Variants in EYS observed in about 807,000 individuals in gnomAD.
EYS encodes the protein protein eyes shut homolog.
Under a neutral mutation model 282.1 loss-of-function variants are expected in EYS, and 250 were observed. That is an observed-to-expected ratio of 0.89 (90% CI 0.80 to 0.98). EYS has a LOEUF of 0.98. Among genes scored for constraint, EYS ranks in the 50% least tolerant of loss-of-function variants. The pLI is 0.00. For synonymous variants in EYS, 1,355 were observed against 1,282.9 expected (o/e 1.06, Z -1.20); for missense variants, 4,016 against 3,709.0 (o/e 1.08, Z -2.15).
intron 12 of EYS, among the ~76,000 whole-genome samples, chr6:65,270,030 C>T (rs1334416945): frequency 6.6e-6 from 1 of 152,126 alleles, no homozygotes; most frequent in Non-Finnish European, 1.5e-5. Flanking sequence ...GTTTAAAATG[C>T]AAAGTCTTAC....
intron 22 of EYS, among the ~76,000 whole-genome samples, chr6:64,676,340 A>G (rs183736950): frequency 1.4e-5 from 2 of 144,958 alleles, no homozygotes; most frequent in African/African-American, 2.5e-5. Flanking sequence ...CTATATATCT[A>G]TATATATATA....
At chr6:63,746,716 A>G (rs1054214223) in intron 41 of EYS, among the ~76,000 whole-genome samples, 1 of 152,094 alleles carries the variant, frequency 6.6e-6, no homozygotes, top group Admixed American at 6.6e-5. Context: ...ATTTGCATAG[A>G]GGTGCTTATA....
chr6:64,699,862 T>C (rs1770719937), intron 22 of EYS, among the ~76,000 whole-genome samples: 1 of 152,018 alleles, frequency 6.6e-6, no homozygotes, highest in African/African-American at 2.4e-5. Context: ...AGTATTTTGA[T>C]GTCAAGGCCG....
Position 63,946,031 on chromosome 6 carries a change from CG to C in EYS, c.7055+38351del, listed in dbSNP as rs200938925. Among the ~76,000 whole-genome samples the C allele has an allele frequency of 9.4e-3, 1,433 of 152,262 alleles. 9 individuals carry two copies. Among genetic ancestry groups the C allele is most frequent in the South Asian group, 0.017 (82 of 4,826 alleles). Reference sequence around the variant, plus strand: ...TCTCTTCATGATTACTGCCACTAAACGCTATAAATGTAGAATTCCACAGTTA... The same window carrying C: ...TCTCTTCATGATTACTGCCACTAAACCTATAAATGTAGAATTCCACAGTTA... On this transcript the variant is annotated intron_variant, in intron 35 of 42. Transcript: ENST00000503581.
intron 31 of EYS, among the ~76,000 whole-genome samples, chr6:64,155,748 T>A (rs1774894675): frequency 6.6e-6 from 1 of 152,188 alleles, no homozygotes; most frequent in African/African-American, 2.4e-5. Flanking sequence ...AATGTGTATA[T>A]TTTATTCATC....
At chr6:64,556,798 A>G (rs548438181) in intron 26 of EYS, among the ~76,000 whole-genome samples, 4 of 152,050 alleles carry the variant, frequency 2.6e-5, no homozygotes, top group Admixed American at 6.5e-5. Context: ...TTGGAGACAT[A>G]GATCTTCATA....
intron 2 of EYS, among the ~76,000 whole-genome samples, chr6:65,610,694 A>C (rs531847288): frequency 6.6e-6 from 1 of 152,210 alleles, no homozygotes; most frequent in African/African-American, 2.4e-5. Context: ...TAGTTTTATT[A>C]ACGGATTAAT....
chr6:64,439,998 T>G (rs1774883611), intron 26 of EYS, among the ~76,000 whole-genome samples: 1 of 151,724 alleles, frequency 6.6e-6, no homozygotes, highest in South Asian at 2.1e-4. Flanking sequence ...AAATCATTTT[T>G]TTTTGCTTGA....
intron 9 of EYS, among the ~76,000 whole-genome samples, chr6:65,347,892 A>G (rs1770460868): frequency 6.6e-6 from 1 of 150,944 alleles, no homozygotes; most frequent in African/African-American, 2.4e-5. Context: ...ATCCTTCCAA[A>G]CCTCTGGTAA....
chr6:64,693,399 T>C (rs1770468578), intron 22 of EYS, among the ~76,000 whole-genome samples: 1 of 152,098 alleles, frequency 6.6e-6, no homozygotes, highest in Non-Finnish European at 1.5e-5. Context: ...TGATTTATTA[T>C]AAAGTACTGT....
intron 5 of EYS, among the ~76,000 whole-genome samples, chr6:65,453,828 G>T (rs1016214006): frequency 2.0e-5 from 3 of 151,884 alleles, no homozygotes; most frequent in Non-Finnish European, 1.5e-5. Flanking sequence ...TGTCCTGCAG[G>T]TTCATTCATG....
intron 1 of EYS, among the ~76,000 whole-genome samples, chr6:65,667,422 C>G (rs1201786507): frequency 1.3e-5 from 2 of 151,852 alleles, no homozygotes; most frequent in Non-Finnish European, 3.0e-5. Context: ...CATTTATGTT[C>G]ATTTCCAGCA....
intron 33 of EYS, among the ~76,000 whole-genome samples, chr6:64,057,076 A>G (rs1295095505): frequency 6.6e-6 from 1 of 152,220 alleles, no homozygotes; most frequent in Non-Finnish European, 1.5e-5. Context: ...GCATTAGAAT[A>G]AATTATCTGA....
At chr6:64,658,252 C>T (rs1033117099) in intron 22 of EYS, among the ~76,000 whole-genome samples, 26 of 152,124 alleles carry the variant, frequency 1.7e-4, no homozygotes, top group Admixed American at 1.1e-3. Flanking sequence ...GTTATCCGTT[C>T]GTCTAATTTT....
At chr6:64,086,191 A>G (rs1228543763) in intron 31 of EYS, among the ~76,000 whole-genome samples, 1 of 152,202 alleles carries the variant, frequency 6.6e-6, no homozygotes, top group African/African-American at 2.4e-5. Context: ...GAAACTCAGC[A>G]TCATTATCTA....
At chr6:64,227,145 A>G (rs1766274274) in intron 31 of EYS, among the ~76,000 whole-genome samples, 2 of 152,024 alleles carry the variant, frequency 1.3e-5, no homozygotes, top group Non-Finnish European at 1.5e-5. Context: ...TAAATACTCT[A>G]AAATCTGCTT....
intron 1 of EYS, among the ~76,000 whole-genome samples, chr6:65,687,522 ATTAT>A (rs1296913451): frequency 7.4e-4 from 113 of 152,006 alleles, no homozygotes; most frequent in Non-Finnish European, 1.5e-3. Flanking sequence ...ACAGATAAAG[ATTAT>A]GTGGGATGCC....
intron 22 of EYS, among the ~76,000 whole-genome samples, chr6:64,775,088 A>C (rs1239679494): frequency 3.9e-5 from 6 of 151,998 alleles, no homozygotes; most frequent in Middle Eastern, 3.2e-3. Context: ...CTCTCCTGGG[A>C]TAAAACAGCA....
intron 16 of EYS, among the ~76,000 whole-genome samples, chr6:64,911,473 T>C (rs1019582123): frequency 6.6e-6 from 1 of 152,146 alleles, no homozygotes; most frequent in Admixed American, 6.5e-5. Flanking sequence ...GAAGTTTTAA[T>C]GCAAAACAAA....
Sources: allele counts gnomAD v4.1 joint callset (sites outside exome capture counted in the v4.1 genomes callset), GRCh38; gene constraint gnomAD v4.1.1; transcripts MANE v1.5; gene names NCBI Gene and HGNC (gene_info 2026-07-23, HGNC 2026-07-21).